Variants in GALNTL6 observed in about 807,000 individuals in gnomAD.
GALNTL6 encodes polypeptide N-acetylgalactosaminyltransferase-like 6.
A neutral mutation model predicts 73.7 loss-of-function variants in GALNTL6; 46 were observed. That is an observed-to-expected ratio of 0.62 (90% CI 0.49 to 0.80). GALNTL6 has a LOEUF of 0.80. Ranked by LOEUF, GALNTL6 falls within the 30% of genes least tolerant of loss-of-function variation. The probability of loss-of-function intolerance (pLI) is 0.00; values close to 1 mark genes in which losing one functional copy is unlikely to be tolerated. For synonymous variants in GALNTL6, 259 were observed against 263.7 expected, an observed-to-expected ratio of 0.98 and a Z score of 0.17; for missense variants, 604 against 755.0, an observed-to-expected ratio of 0.80 and a Z score of 2.34.
At chr4:172,451,090 G>A (rs1237193012) in intron 5 of GALNTL6, among the ~76,000 whole-genome samples, 3 of 152,166 alleles carry the variant, frequency 2.0e-5, no homozygotes, top group Non-Finnish European at 4.4e-5. Context: ...GTAGATTCTA[G>A]AAACAGGTCT....
At chr4:172,704,768 G>A (rs573221086) in intron 5 of GALNTL6, among the ~76,000 whole-genome samples, 1 of 151,988 alleles carries the variant, frequency 6.6e-6, no homozygotes, top group East Asian at 1.9e-4. Flanking sequence ...TGGATGATCT[G>A]TCTTGCTAAA....
chr4:172,113,529 C>G (rs1349500018), intron 2 of GALNTL6, among the ~76,000 whole-genome samples: 1 of 151,888 alleles, frequency 6.6e-6, no homozygotes, highest in East Asian at 1.9e-4. Flanking sequence ...CTGAGTTAAG[C>G]AATGTCTATT....
chr4:172,082,667 G>A (rs1452918285), intron 2 of GALNTL6, among the ~76,000 whole-genome samples: 1 of 152,086 alleles, frequency 6.6e-6, no homozygotes, highest in African/African-American at 2.4e-5. Flanking sequence ...TTATCATTCT[G>A]GAATTTTGAT....
chr4:172,045,284 G>A (rs941840954), intron 2 of GALNTL6, among the ~76,000 whole-genome samples: 1 of 151,938 alleles, frequency 6.6e-6, no homozygotes, highest in Non-Finnish European at 1.5e-5. Flanking sequence ...GAGCAGGTGG[G>A]TCTGAATTCT....
At chr4:172,819,015 G>A (rs1397249040) in intron 7 of GALNTL6, among the ~76,000 whole-genome samples, 1 of 152,198 alleles carries the variant, frequency 6.6e-6, no homozygotes, top group African/African-American at 2.4e-5. Flanking sequence ...GGCATGGATA[G>A]CAATAGCCGT....
In GALNTL6 at chr4:172,474,121, A is replaced by G. The variant is rs1024318937; in HGVS notation, c.553+125432A>G. On this transcript the variant is annotated intron_variant, in intron 5 of 12. Coordinates refer to ENST00000506823, the MANE Select transcript of GALNTL6 (RefSeq NM_001034845.3). ...CTTGGATGAGTCCTTCATACTCCCA[A>G]CGCAGAGCAGCCCTCAGGCTCTTTC... is the stretch of plus-strand genomic sequence containing the variant. 1.4e-4 allele frequency among the ~76,000 whole-genome samples: 21 copies of G among 152,022 alleles called. 1 individual carries two copies. Among genetic ancestry groups the G allele is most frequent in the Non-Finnish European group, 2.5e-4 (17 of 68,016 alleles).
At chr4:172,584,133 CAA>C (rs61238256) in intron 5 of GALNTL6, among the ~76,000 whole-genome samples, 3 of 140,092 alleles carry the variant, frequency 2.1e-5, no homozygotes, top group Admixed American at 1.4e-4. Context: ...TAAGTAATTG[CAA>C]AAAAAAAAAT....
intron 3 of GALNTL6, among the ~76,000 whole-genome samples, chr4:172,230,316 G>A (rs772942195): frequency 6.6e-6 from 1 of 152,146 alleles, no homozygotes; most frequent in Non-Finnish European, 1.5e-5. Context: ...AAAGGACAAA[G>A]TAGCAAGAAA....
At chr4:172,425,449 T>C (rs1731193517) in intron 5 of GALNTL6, 2 of 152,078 alleles carry the variant, frequency 1.3e-5, no homozygotes, top group Non-Finnish European at 2.9e-5. Context: ...TTTTGAACTT[T>C]ATGGAGAGGA....
At chr4:172,133,618 G>T (rs1257812588) in intron 2 of GALNTL6, among the ~76,000 whole-genome samples, 1 of 152,210 alleles carries the variant, frequency 6.6e-6, no homozygotes, top group Non-Finnish European at 1.5e-5. Flanking sequence ...AGCCTGATTT[G>T]TATGGGGTTG....
chr4:172,326,245 T>C (rs1225672482), intron 4 of GALNTL6, among the ~76,000 whole-genome samples: 1 of 151,884 alleles, frequency 6.6e-6, no homozygotes, highest in Non-Finnish European at 1.5e-5. Flanking sequence ...AACCCTCAAA[T>C]CCATAATTTA....
intron 8 of GALNTL6, among the ~76,000 whole-genome samples, chr4:172,909,750 T>C (rs1487630546): frequency 2.6e-5 from 4 of 152,104 alleles, no homozygotes; most frequent in African/African-American, 9.6e-5. Context: ...AATGTGTATA[T>C]GTGTTGGCTC....
chr4:171,920,981 T>A (rs1294803616), intron 2 of GALNTL6, among the ~76,000 whole-genome samples: 3 of 152,152 alleles, frequency 2.0e-5, no homozygotes, highest in African/African-American at 7.2e-5. Context: ...CATACAATAA[T>A]TTAAGGTATT....
chr4:172,804,324 A>G (rs1740827777), intron 5 of GALNTL6, among the ~76,000 whole-genome samples: 1 of 152,136 alleles, frequency 6.6e-6, no homozygotes, highest in Non-Finnish European at 1.5e-5. Flanking sequence ...ACATTTCAGA[A>G]CTCATAGCTA....
chr4:172,372,918 C>T (rs1042726493), intron 5 of GALNTL6, among the ~76,000 whole-genome samples: 1 of 152,124 alleles, frequency 6.6e-6, no homozygotes, highest in Non-Finnish European at 1.5e-5. Context: ...TGCTGAGGGC[C>T]CTGGTCCCTC....
intron 5 of GALNTL6, among the ~76,000 whole-genome samples, chr4:172,740,487 C>T (rs1736733027): frequency 6.6e-6 from 1 of 152,140 alleles, no homozygotes; most frequent in South Asian, 2.1e-4. Context: ...TTGGTAACCC[C>T]CAAATCAGTA....
chr4:172,446,596 G>A (rs975338667), intron 5 of GALNTL6, among the ~76,000 whole-genome samples: 2 of 152,056 alleles, frequency 1.3e-5, no homozygotes, highest in African/African-American at 4.8e-5. Flanking sequence ...TTTTTTTCTG[G>A]CTTACTAGAA....
At chr4:172,909,257 T>C (rs1747070676) in intron 8 of GALNTL6, among the ~76,000 whole-genome samples, 1 of 149,804 alleles carries the variant, frequency 6.7e-6, no homozygotes, top group Admixed American at 6.6e-5. Flanking sequence ...AAAATATAAT[T>C]ACAAAAGTTA....
intron 5 of GALNTL6, among the ~76,000 whole-genome samples, chr4:172,685,473 A>G (rs1167143206): frequency 6.6e-6 from 1 of 152,198 alleles, no homozygotes; most frequent in Non-Finnish European, 1.5e-5. Flanking sequence ...CAATTACTGT[A>G]ATATCCAAAG....
Sources: allele counts gnomAD v4.1 joint callset (sites outside exome capture counted in the v4.1 genomes callset), GRCh38; gene constraint gnomAD v4.1.1; transcripts MANE v1.5; gene names NCBI Gene and HGNC (gene_info 2026-07-23, HGNC 2026-07-21).